The following SMYD3 variants were observed in gnomAD, a reference collection of about 807,000 sequenced individuals.
The protein encoded by SMYD3 is histone-lysine N-methyltransferase SMYD3.
SMYD3 carries 36 observed loss-of-function variants against 57.7 expected under a neutral mutation model. The ratio of observed to expected loss-of-function variants is 0.62; its 90% confidence interval spans 0.48 to 0.82. The LOEUF (loss-of-function observed/expected upper bound fraction) is 0.82, where lower values mean the gene tolerates loss of function less well. Among genes scored for constraint, SMYD3 ranks in the 40% least tolerant of loss-of-function variants. The pLI, the probability that SMYD3 is intolerant of heterozygous loss-of-function variation, is 0.00. For missense variants in SMYD3, 515 were observed against 538.8 expected (o/e 0.96, Z 0.44); for synonymous variants, 211 against 195.0 (o/e 1.08, Z -0.68).
chr1:246,448,216 C>CA lies in SMYD3; in HGVS notation c.164+58837dup, dbSNP rs576872452. On this transcript the variant is annotated intron_variant, in intron 1 of 11. Transcript: ENST00000490107. ...AGGGAAACAGAGCGAGACTCCGTCT[C>CA]AAAAAAAAATAATAACATAATCTCT... Among the ~76,000 whole-genome samples the CA allele has an allele frequency of 3.8e-3, 568 of 150,836 alleles. 3 individuals carry two copies. Among genetic ancestry groups the CA allele is most frequent in the Non-Finnish European group, 6.1e-3 (414 of 67,628 alleles).
At chr1:246,272,880 TG>T (rs2064248307) in intron 5 of SMYD3, among the ~76,000 whole-genome samples, 1 of 152,216 alleles carries the variant, frequency 6.6e-6, no homozygotes, top group Non-Finnish European at 1.5e-5. Context: ...TCTCTATAAA[TG>T]TTTGGTAGAA....
chr1:245,905,068 T>C (rs1305741176), intron 8 of SMYD3, among the ~76,000 whole-genome samples: 1 of 151,798 alleles, frequency 6.6e-6, no homozygotes, highest in Non-Finnish European at 1.5e-5. Context: ...TGAAGAACCC[T>C]TGGGCCCCGA....
At chr1:246,503,305 C>G (rs2068484854) in intron 1 of SMYD3, among the ~76,000 whole-genome samples, 1 of 152,202 alleles carries the variant, frequency 6.6e-6, no homozygotes, top group African/African-American at 2.4e-5. Flanking sequence ...GAGCTATTCT[C>G]TTTACCCTAC....
At chr1:246,213,298 G>A (rs1040278304) in intron 5 of SMYD3, among the ~76,000 whole-genome samples, 1 of 152,106 alleles carries the variant, frequency 6.6e-6, no homozygotes, top group Non-Finnish European at 1.5e-5. Context: ...CAGCATGTAT[G>A]TTAATACCTG....
chr1:245,798,407 T>TACCC (rs1553325447), intron 10 of SMYD3, among the ~76,000 whole-genome samples: 1 of 16,304 alleles, frequency 6.1e-5, no homozygotes, highest in Non-Finnish European at 1.3e-4. Context: ...CACACACACA[T>TACCC]ACACACACAT....
At chr1:246,056,078 A>T (rs2060146134) in intron 5 of SMYD3, among the ~76,000 whole-genome samples, 1 of 152,184 alleles carries the variant, frequency 6.6e-6, no homozygotes, top group Non-Finnish European at 1.5e-5. Context: ...AATATTTTGG[A>T]AGTAATGGAA....
chr1:245,929,748 A>C, intron 6 of SMYD3, 122 bp downstream of exon 6: 1 of 747,306 alleles, frequency 1.3e-6, no homozygotes, highest in Non-Finnish European at 2.3e-6. Context: ...TTTATTGCTA[A>C]GTTTTAAGCT....
At chr1:245,762,308 G>C (rs1037235373) in intron 11 of SMYD3, among the ~76,000 whole-genome samples, 1 of 152,138 alleles carries the variant, frequency 6.6e-6, no homozygotes, top group Non-Finnish European at 1.5e-5. Flanking sequence ...GTACGTACGA[G>C]CAGTATTCAT....
At chr1:246,371,233 G>A (rs967642323) in intron 1 of SMYD3, among the ~76,000 whole-genome samples, 17 of 152,026 alleles carry the variant, frequency 1.1e-4, no homozygotes, top group South Asian at 8.3e-4. Flanking sequence ...TAAGTCACTC[G>A]GACAGCTAAT....
At chr1:245,876,259 G>A (rs1471869417) in intron 8 of SMYD3, among the ~76,000 whole-genome samples, 1 of 152,152 alleles carries the variant, frequency 6.6e-6, no homozygotes, top group Admixed American at 6.5e-5. Context: ...GGCCTAGTAA[G>A]GTAAGGTGGG....
chr1:245,866,597 T>C (rs2051862035), intron 8 of SMYD3, among the ~76,000 whole-genome samples: 1 of 151,986 alleles, frequency 6.6e-6, no homozygotes, highest in African/African-American at 2.4e-5. Context: ...CTGGGTCTAG[T>C]GGCACACGCC....
At chr1:246,274,445 A>T (rs1233829846) in intron 5 of SMYD3, among the ~76,000 whole-genome samples, 3 of 152,236 alleles carry the variant, frequency 2.0e-5, no homozygotes, top group Admixed American at 2.0e-4. Flanking sequence ...CCAGTGTTTT[A>T]TCTGGGGCTC....
Position 245,858,645 on chromosome 1 carries a change from G to A in SMYD3, c.927C>T (p.Cys309=). The part of the protein sequence containing the change: ...HWKWEQVLAM[C]QAIISSNSER... ...CAGAATTGCTGCTTATGATTGCCTG[G>A]CACATGGCCAGAACCTGCTCCCACT... is the stretch of plus-strand genomic sequence containing the variant. Residue 309 remains cysteine, a synonymous_variant, in exon 10 of 12, where the codon TGC becomes TGT. Coordinates refer to ENST00000490107, the MANE Select transcript of SMYD3 (RefSeq NM_001167740.2). 6.2e-7 allele frequency: 1 copy of A among 1,614,180 alleles called. No individual in the cohort carries two copies. The highest frequency in any genetic ancestry group is 1.3e-5 in the African/African-American group (1 of 75,052).
intron 5 of SMYD3, among the ~76,000 whole-genome samples, chr1:246,105,057 A>T (rs1280335973): frequency 6.6e-6 from 1 of 152,220 alleles, no homozygotes; most frequent in East Asian, 1.9e-4. Context: ...AAGAGGCAAA[A>T]TCACAGGTAA....
At chr1:245,944,718 T>C (rs1343979253) in intron 5 of SMYD3, among the ~76,000 whole-genome samples, 1 of 152,184 alleles carries the variant, frequency 6.6e-6, no homozygotes, top group East Asian at 1.9e-4. Flanking sequence ...GCCGGAGGCA[T>C]CATGCTACCA....
At chr1:246,414,485 A>T (rs1340099470) in intron 1 of SMYD3, among the ~76,000 whole-genome samples, 1 of 152,198 alleles carries the variant, frequency 6.6e-6, no homozygotes, top group Non-Finnish European at 1.5e-5. Flanking sequence ...TGAGTTTCCT[A>T]GAGGAAGAAA....
intron 10 of SMYD3, among the ~76,000 whole-genome samples, chr1:245,856,377 G>A (rs1016288372): frequency 6.6e-6 from 1 of 152,152 alleles, no homozygotes; most frequent in Admixed American, 6.5e-5. Context: ...CTCAACACAC[G>A]CCAGGGAAGA....
chr1:246,409,160 T>C (rs968478464), intron 1 of SMYD3, among the ~76,000 whole-genome samples: 2 of 152,260 alleles, frequency 1.3e-5, no homozygotes, highest in African/African-American at 4.8e-5. Flanking sequence ...TCTTTTGCTA[T>C]GCAGAAGCTC....
At chr1:246,368,295 G>T (rs1402802857) in intron 1 of SMYD3, among the ~76,000 whole-genome samples, 1 of 152,066 alleles carries the variant, frequency 6.6e-6, no homozygotes, top group African/African-American at 2.4e-5. Flanking sequence ...TATCCTTCTT[G>T]GGTGTCAGAG....
Sources: allele counts gnomAD v4.1 joint callset (sites outside exome capture counted in the v4.1 genomes callset), GRCh38; gene constraint gnomAD v4.1.1; transcripts MANE v1.5; gene names NCBI Gene and HGNC (gene_info 2026-07-23, HGNC 2026-07-21).